CUL2: variants seen among roughly 807,000 people sequenced by gnomAD.
CUL2 encodes cullin-2.
CUL2 carries 22 observed loss-of-function variants against 110.2 expected under a neutral mutation model. The observed-to-expected ratio is 0.20, with a 90% CI of 0.14 to 0.28. The LOEUF is 0.28. Ranked by LOEUF, CUL2 falls within the 10% of genes least tolerant of loss-of-function variation. The probability of loss-of-function intolerance (pLI) is 1.00; values close to 1 mark genes in which losing one functional copy is unlikely to be tolerated. For missense variants in CUL2, 631 were observed against 905.5 expected, an observed-to-expected ratio of 0.70 and a Z score of 3.89; for synonymous variants, 279 against 293.2, an observed-to-expected ratio of 0.95 and a Z score of 0.49.
intron 7 of CUL2, 42 bp downstream of exon 7, chr10:35,044,730 A>C (rs2085890884): frequency 6.3e-7 from 1 of 1,584,714 alleles, no homozygotes; most frequent in South Asian, 1.1e-5. Context: ...CAGTTTAAGA[A>C]ATTAACAGTC....
chr10:35,080,327 G>A (rs2086914340), intron 1 of CUL2, among the ~76,000 whole-genome samples: 1 of 152,054 alleles, frequency 6.6e-6, no homozygotes, highest in Admixed American at 6.6e-5. Flanking sequence ...CTTATTTGGA[G>A]GTTAAGGGTG....
chr10:35,022,463 C>A (rs1263569030), intron 17 of CUL2, among the ~76,000 whole-genome samples: 1 of 152,078 alleles, frequency 6.6e-6, no homozygotes, highest in Non-Finnish European at 1.5e-5. Context: ...TATGTTTAAG[C>A]AGAAGTAACA....
At chr10:35,070,619 A>G (rs188196873) in intron 2 of CUL2, among the ~76,000 whole-genome samples, 2 of 152,256 alleles carry the variant, frequency 1.3e-5, no homozygotes, top group East Asian at 3.9e-4. Flanking sequence ...CTCAATTCAC[A>G]CATGTAGGCA....
rs371811530 is a variant in CUL2, at chr10:35,039,633, G to C, written c.715-551C>G. On this transcript the variant is annotated intron_variant, in intron 8 of 20. Coordinates refer to ENST00000374749, the MANE Select transcript of CUL2 (RefSeq NM_003591.4). The stretch of plus-strand genomic sequence containing the variant: ...TAATCCCAGTACTTTGGGAGGCCAA[G>C]GCAGGTGGATCATCTGAGGTCAGGA... Among the ~76,000 whole-genome samples, 731 of 152,346 alleles carry C rather than the reference G, an allele frequency of 4.8e-3. 49 individuals carry two copies. In the South Asian group the frequency reaches 0.13, roughly 28 times the overall value.
At chr10:35,044,487 A>G in intron 8 of CUL2, 79 bp downstream of exon 8, 1 of 875,624 alleles carries the variant, frequency 1.1e-6, no homozygotes, top group Non-Finnish European at 1.7e-6. Flanking sequence ...AAACAAAACA[A>G]GAAAACTAAG....
At position 35,012,232 on chromosome 10, in the gene CUL2, T is replaced by C. The variant is rs74712298; in HGVS notation, c.1990-268A>G. Among the ~76,000 whole-genome samples, 1,223 of 152,138 alleles carry C rather than the reference T, an allele frequency of 8.0e-3. 21 individuals carry two copies. Among genetic ancestry groups the C allele is most frequent in the African/African-American group, 0.028 (1,149 of 41,484 alleles). ...CAATATTGAGCAAATTATATAGTTATGTTGTGCCAATATCACATAACCACT... is the reference window on the plus strand; with the variant it reads ...CAATATTGAGCAAATTATATAGTTACGTTGTGCCAATATCACATAACCACT... On this transcript the variant is annotated intron_variant, in intron 19 of 20. Transcript: ENST00000374749.
chr10:35,092,860 G>A (rs942628323), upstream of CUL2, among the ~76,000 whole-genome samples: 3 of 150,898 alleles, frequency 2.0e-5, no homozygotes, highest in Non-Finnish European at 3.0e-5. Context: ...ATTATGGGAG[G>A]GGTGTGAACT....
chr10:35,034,644 C>T (rs1486172560), intron 10 of CUL2, among the ~76,000 whole-genome samples: 1 of 152,146 alleles, frequency 6.6e-6, no homozygotes, highest in Non-Finnish European at 1.5e-5. Flanking sequence ...CAAACTGTTA[C>T]AGTCATGTGA....
chr10:35,084,136 G>T (rs1289646569), intron 1 of CUL2, among the ~76,000 whole-genome samples: 1 of 152,208 alleles, frequency 6.6e-6, no homozygotes, highest in African/African-American at 2.4e-5. Flanking sequence ...AATTAGTCAG[G>T]TGTGGTGGCA....
chr10:35,102,363 G>A (rs34921285), intron 1 of CUL2, among the ~76,000 whole-genome samples: 4,488 of 150,678 alleles, frequency 0.03, 100 homozygotes, highest in Middle Eastern at 0.086. Flanking sequence ...CTTGAGGCCA[G>A]GAGTTCAAGA....
upstream of CUL2, among the ~76,000 whole-genome samples, chr10:35,092,546 G>A (rs962741029): frequency 6.6e-6 from 1 of 152,218 alleles, no homozygotes; most frequent in Admixed American, 6.5e-5. Context: ...ATGCCAAAGT[G>A]GGATGGCTGT....
intron 1 of CUL2, among the ~76,000 whole-genome samples, chr10:35,122,291 G>C (rs1459929185): frequency 6.6e-6 from 1 of 152,188 alleles, no homozygotes; most frequent in African/African-American, 2.4e-5. Flanking sequence ...TTTGAAAAAT[G>C]CTAAATCTTG....
upstream of CUL2, among the ~76,000 whole-genome samples, chr10:35,091,241 G>A (rs2087198943): frequency 6.6e-6 from 1 of 152,096 alleles, no homozygotes; most frequent in South Asian, 2.1e-4. Context: ...ATCCTCAAGA[G>A]CTCACCATCA....
intron 5 of CUL2, among the ~76,000 whole-genome samples, chr10:35,051,833 ACAGTCTGTCC>A (rs1355130936): frequency 2.0e-5 from 3 of 152,170 alleles, no homozygotes; most frequent in Non-Finnish European, 4.4e-5. Context: ...TGAAAGTTTC[ACAGTCTGTCC>A]CAGTAAATCA....
rs2085475362 is a variant in CUL2 at position 35,031,335 on chromosome 10, T to C, written c.1351A>G (p.Met451Val). ...KRLIHGLSMS[M>V]DSEEAMINKL... ...TTGATCATGGCTTCTTCAGAGTCCATAGACATGGATAACCCATGAATTAAA... is the reference window on the plus strand; with the variant it reads ...TTGATCATGGCTTCTTCAGAGTCCACAGACATGGATAACCCATGAATTAAA... The change falls in exon 14 of 21, where the codon ATG (methionine) becomes GTG (valine). Residue 451 changes from methionine (M) to valine (V), a missense_variant. Met to Val is a conservative substitution (Grantham distance 21). Coordinates refer to ENST00000374749, the MANE Select transcript of CUL2 (RefSeq NM_003591.4). This position sits in a 1 kb window ranked among gnomAD's most constrained non-coding sequence, Gnocchi z 4.4. The C allele has an allele frequency of 3.1e-6, 5 of 1,606,898 alleles. No individual in the cohort carries two copies. Among genetic ancestry groups the C allele is most frequent in the East Asian group, 2.2e-5 (1 of 44,802 alleles).
chr10:35,038,953 A>T lies in CUL2; in HGVS notation c.844T>A (p.Cys282Ser). ...ADHLQFLHAE[C>S]HNIIRQEKKN... ...TTCTCTTGTCGAATTATATTATGAC[A>T]TTCTGCATGTAAAAACTGTAAGTGG... Residue 282 changes from cysteine to serine, a missense_variant, in exon 9 of 21, where the codon TGT (cysteine) becomes AGT (serine). Cys to Ser is a moderately radical substitution (Grantham distance 112). Transcript: ENST00000374749. 2.5e-6 allele frequency: 4 copies of T among 1,606,120 alleles called. No homozygotes were observed. The highest frequency in any genetic ancestry group is 3.4e-6 in the Non-Finnish European group (4 of 1,175,696).
At chr10:35,087,302 A>T (rs530342572) in intron 1 of CUL2, among the ~76,000 whole-genome samples, 2 of 152,350 alleles carry the variant, frequency 1.3e-5, no homozygotes, top group East Asian at 3.9e-4. Context: ...ATGTGAATAC[A>T]GTTTTTGTTC....
At chr10:35,101,931 T>C (rs760516034) in intron 1 of CUL2, among the ~76,000 whole-genome samples, 1 of 152,166 alleles carries the variant, frequency 6.6e-6, no homozygotes, top group Non-Finnish European at 1.5e-5. Context: ...ACCTAAGTTA[T>C]TTAGTGTCTG....
At chr10:35,040,136 A>T (rs2085744651) in intron 8 of CUL2, among the ~76,000 whole-genome samples, 1 of 152,208 alleles carries the variant, frequency 6.6e-6, no homozygotes, top group Admixed American at 6.5e-5. Context: ...CTAGGCAATA[A>T]GAGCGAGGCT....
Sources: allele counts gnomAD v4.1 joint callset (sites outside exome capture counted in the v4.1 genomes callset), GRCh38; gene constraint gnomAD v4.1.1; non-coding constraint Gnocchi (gnomAD v3.1); transcripts MANE v1.5; gene names NCBI Gene and HGNC (gene_info 2026-07-23, HGNC 2026-07-21).